Variants in SYNPR observed in about 807,000 individuals in gnomAD.
SYNPR encodes the protein synaptoporin.
Under a neutral mutation model 32.9 loss-of-function variants are expected in SYNPR, and 23 were observed. That is an observed-to-expected ratio of 0.70 (90% CI 0.50 to 0.99). The LOEUF (loss-of-function observed/expected upper bound fraction) is 0.99. SYNPR is among the 50% of genes least tolerant of loss of function. SYNPR has a pLI of 0.00. For synonymous variants in SYNPR, 146 were observed against 135.9 expected (o/e 1.07, Z -0.52); for missense variants, 318 against 349.3 (o/e 0.91, Z 0.71).
intron 2 of SYNPR, among the ~76,000 whole-genome samples, chr3:63,471,596 C>T (rs1700798845): frequency 6.6e-6 from 1 of 152,172 alleles, no homozygotes; most frequent in Non-Finnish European, 1.5e-5. Context: ...CTGGGGGCCT[C>T]CTGTATAGGG....
chr3:63,567,315 A>T (rs1299996228), intron 4 of SYNPR, among the ~76,000 whole-genome samples: 2 of 152,204 alleles, frequency 1.3e-5, no homozygotes. Context: ...TCTGAAAAAA[A>T]GTGGAAGGGT....
chr3:63,322,047 G>A (rs573303743), intron 2 of SYNPR, among the ~76,000 whole-genome samples: 74 of 152,100 alleles, frequency 4.9e-4, no homozygotes, highest in Non-Finnish European at 3.4e-4. Context: ...TAGGTCTATT[G>A]CAACAGTAAG....
chr3:63,438,633 A>G (rs1700122755), intron 2 of SYNPR, among the ~76,000 whole-genome samples: 1 of 152,226 alleles, frequency 6.6e-6, no homozygotes, highest in Non-Finnish European at 1.5e-5. Context: ...TTACAAGGAA[A>G]ATAAAAGATA....
chr3:63,218,189 A>G, the SYNPR span, among the ~76,000 whole-genome samples: 7 of 152,218 alleles, frequency 4.6e-5, no homozygotes, highest in African/African-American at 1.7e-4. Context: ...GCTATGTCTA[A>G]TATTTACAGG....
chr3:63,230,175 A>G (rs917453412), intron 1 of SYNPR, among the ~76,000 whole-genome samples: 18 of 152,138 alleles, frequency 1.2e-4, no homozygotes, highest in Non-Finnish European at 2.2e-4. Context: ...TTGTGAATGG[A>G]GGCATAGGTT....
At chr3:63,347,443 T>C (rs967403496) in intron 2 of SYNPR, among the ~76,000 whole-genome samples, 3 of 152,226 alleles carry the variant, frequency 2.0e-5, no homozygotes, top group Non-Finnish European at 2.9e-5. Context: ...CTTTTCTTTT[T>C]CATATACTAT....
chr3:63,439,042 G>A (rs1302498269), intron 2 of SYNPR, among the ~76,000 whole-genome samples: 1 of 152,320 alleles, frequency 6.6e-6, no homozygotes, highest in African/African-American at 2.4e-5. Context: ...TGAGAGGCCA[G>A]ATGTTTAGAA....
At chr3:63,514,908 T>C (rs1701767328) in intron 3 of SYNPR, among the ~76,000 whole-genome samples, 1 of 152,066 alleles carries the variant, frequency 6.6e-6, no homozygotes, top group African/African-American at 2.4e-5. Flanking sequence ...ACAAAAACAT[T>C]TGTGATGTAA....
At chr3:63,421,716 A>C (rs942482817) in intron 2 of SYNPR, among the ~76,000 whole-genome samples, 6 of 152,174 alleles carry the variant, frequency 3.9e-5, no homozygotes, top group African/African-American at 1.4e-4. Flanking sequence ...TCAGGGCTGC[A>C]ATCTCATCTG....
intron 2 of SYNPR, among the ~76,000 whole-genome samples, chr3:63,463,036 C>A (rs1700616045): frequency 1.3e-5 from 2 of 152,142 alleles, no homozygotes; most frequent in Non-Finnish European, 1.5e-5. Context: ...TTGGCCACTA[C>A]AAATCACAGT....
At chr3:63,236,386 G>A (rs1195974756) in intron 1 of SYNPR, among the ~76,000 whole-genome samples, 1 of 151,810 alleles carries the variant, frequency 6.6e-6, no homozygotes, top group African/African-American at 2.4e-5. Flanking sequence ...ATATATATTA[G>A]CATAAGTTTG....
At chr3:63,561,173 G>A (rs1041543447) in intron 4 of SYNPR, among the ~76,000 whole-genome samples, 1 of 152,108 alleles carries the variant, frequency 6.6e-6, no homozygotes, top group African/African-American at 2.4e-5. Flanking sequence ...ATAGTCCTCT[G>A]GGACATGACA....
chr3:63,409,274 A>G (rs17068511), intron 2 of SYNPR, among the ~76,000 whole-genome samples: 2,102 of 152,236 alleles, frequency 0.014, 25 homozygotes, highest in East Asian at 0.044. Flanking sequence ...CAGAAAAACT[A>G]AACATCGATT....
intron 2 of SYNPR, among the ~76,000 whole-genome samples, chr3:63,302,992 GA>G (rs1457161685): frequency 6.6e-6 from 1 of 151,608 alleles, no homozygotes; most frequent in Non-Finnish European, 1.5e-5. Flanking sequence ...CAAATCATGC[GA>G]ATGTATTAAA....
At chr3:63,408,520 C>G (rs1387680275) in intron 2 of SYNPR, among the ~76,000 whole-genome samples, 1 of 152,154 alleles carries the variant, frequency 6.6e-6, no homozygotes, top group East Asian at 1.9e-4. Flanking sequence ...TTGAGAACCA[C>G]GAGAGCTGAT....
At chr3:63,601,819 G>T (rs762979420) in intron 4 of SYNPR, among the ~76,000 whole-genome samples, 3 of 152,110 alleles carry the variant, frequency 2.0e-5, no homozygotes, top group African/African-American at 4.8e-5. Context: ...TTATGGTAGA[G>T]TGATTTATAC....
At chr3:63,547,709 A>G (rs1466003503) in intron 3 of SYNPR, among the ~76,000 whole-genome samples, 1 of 152,176 alleles carries the variant, frequency 6.6e-6, no homozygotes, top group African/African-American at 2.4e-5. Context: ...GTCACCAAAT[A>G]TGTGATTGAT....
chr3:63,515,957 T>C (rs932155086), intron 3 of SYNPR, among the ~76,000 whole-genome samples: 8 of 152,072 alleles, frequency 5.3e-5, no homozygotes, highest in African/African-American at 1.9e-4. Flanking sequence ...CAGTCCCCTA[T>C]AGATGAAGGG....
At chr3:63,519,283 C>T (rs1192845090) in intron 3 of SYNPR, among the ~76,000 whole-genome samples, 2 of 152,078 alleles carry the variant, frequency 1.3e-5, no homozygotes, top group African/African-American at 4.8e-5. Context: ...AATTCTGGCA[C>T]CATATAATTG....
Sources: gnomAD v4.1 joint callset for allele counts (sites outside exome capture counted in the v4.1 genomes callset) on GRCh38, gnomAD v4.1.1 for gene constraint, MANE v1.5 for transcripts, NCBI Gene and HGNC (gene_info 2026-07-23, HGNC 2026-07-21) for gene names.